The following DNAH6 variants were observed in gnomAD, a reference collection of about 807,000 sequenced individuals.
DNAH6 encodes the protein dynein axonemal heavy chain 6, also known as axonemal beta dynein heavy chain 6.
A neutral mutation model predicts 491.4 loss-of-function variants in DNAH6; 340 were observed. The ratio of observed to expected loss-of-function variants is 0.69; its 90% confidence interval spans 0.63 to 0.76. The LOEUF (loss-of-function observed/expected upper bound fraction) is 0.76. DNAH6 is among the 30% of genes least tolerant of loss of function. The pLI, the probability that DNAH6 is intolerant of heterozygous loss-of-function variation, is 0.00. For missense variants in DNAH6, 4,443 were observed against 4,972.2 expected (o/e 0.89, Z 3.20); for synonymous variants, 1,603 against 1,686.1 (o/e 0.95, Z 1.21).
intron 18 of DNAH6, among the ~76,000 whole-genome samples, chr2:84,601,697 A>C (rs1187093811): frequency 6.6e-6 from 1 of 151,970 alleles, no homozygotes; most frequent in East Asian, 1.9e-4. Context: ...TGTGTAGACC[A>C]TTCACATTTA....
chr2:84,509,729 T>C, the DNAH6 span, among the ~76,000 whole-genome samples: 5 of 152,218 alleles, frequency 3.3e-5, no homozygotes, highest in Non-Finnish European at 5.9e-5. Context: ...TTCCTTTCTA[T>C]GTTTAGTGCT....
intron 41 of DNAH6, among the ~76,000 whole-genome samples, chr2:84,678,001 A>G (rs1693422323): frequency 6.6e-6 from 1 of 152,206 alleles, no homozygotes. Flanking sequence ...GGATGTGGCA[A>G]TTAAGTGAAC....
intron 62 of DNAH6, among the ~76,000 whole-genome samples, chr2:84,738,642 T>C (rs1433528863): frequency 1.3e-5 from 2 of 152,128 alleles, no homozygotes; most frequent in African/African-American, 4.8e-5. Context: ...AATTCTGATA[T>C]AAGAACAGTA....
intron 64 of DNAH6, among the ~76,000 whole-genome samples, chr2:84,772,821 G>C (rs191966701): frequency 5.1e-4 from 78 of 152,022 alleles, no homozygotes; most frequent in Admixed American, 1.8e-3. Context: ...ATAGAACACT[G>C]TACCCAACAA....
At chr2:84,757,715 G>A (rs1674181291) in intron 63 of DNAH6, among the ~76,000 whole-genome samples, 3 of 152,164 alleles carry the variant, frequency 2.0e-5, no homozygotes, top group Admixed American at 2.0e-4. Context: ...TACGAAAGTG[G>A]GAAGAACCAT....
the DNAH6 span, among the ~76,000 whole-genome samples, chr2:84,472,422 G>A: frequency 6.6e-6 from 1 of 151,796 alleles, no homozygotes; most frequent in Non-Finnish European, 1.5e-5. Context: ...CTTTTAACAT[G>A]AGCTGTAAGC....
At chr2:84,542,605 A>G (rs549013257) in intron 4 of DNAH6, among the ~76,000 whole-genome samples, 16 of 152,214 alleles carry the variant, frequency 1.1e-4, no homozygotes, top group East Asian at 1.9e-4. Context: ...GCAGGCTCAC[A>G]TGAACAGCTG....
chr2:84,610,522 C>A (rs1686223704), intron 21 of DNAH6, among the ~76,000 whole-genome samples: 1 of 152,114 alleles, frequency 6.6e-6, no homozygotes, highest in African/African-American at 2.4e-5. Flanking sequence ...GGAATCTTTC[C>A]TTGTGGTGCA....
intron 64 of DNAH6, among the ~76,000 whole-genome samples, chr2:84,772,432 C>A (rs2105182227): frequency 6.6e-6 from 1 of 152,204 alleles, no homozygotes; most frequent in Middle Eastern, 3.4e-3. Context: ...CACACACACA[C>A]AATTCAGTTA....
At chr2:84,805,619 C>T (rs1679341622) in intron 70 of DNAH6, 46 bp from the exon 71 acceptor site, 2 of 1,453,582 alleles carry the variant, frequency 1.4e-6, no homozygotes, top group East Asian at 2.6e-5. Context: ...AATTTGTTTT[C>T]TGAGAATTTG....
intron 46 of DNAH6, among the ~76,000 whole-genome samples, chr2:84,696,287 ACT>A (rs1242157521): frequency 6.6e-6 from 1 of 151,904 alleles, no homozygotes; most frequent in Non-Finnish European, 1.5e-5. Context: ...CATAAGCTGT[ACT>A]CGTAACATTC....
chr2:84,617,034 C>A, intron 23 of DNAH6, 52 bp downstream of exon 23: 2 of 973,736 alleles, frequency 2.1e-6, no homozygotes, highest in South Asian at 1.8e-5. Context: ...GACTGTCAAT[C>A]AAGTTGAGGT....
rs1472423402 is a variant in DNAH6, at chr2:84,581,175, T to G, written c.2229+1496T>G. On this transcript the variant is annotated intron_variant, in intron 14 of 76. Coordinates refer to ENST00000389394, the MANE Select transcript of DNAH6 (RefSeq NM_001370.2). ...TCAGGAAGGTAGGGTCACATCATAA[T>G]CAATGGCTGCAGAGGGTCAGCTGCT... Among the ~76,000 whole-genome samples the G allele has an allele frequency of 2.0e-5, 3 of 152,204 alleles. No individual in the cohort carries two copies. In the East Asian group the frequency reaches 5.8e-4, roughly 29 times the overall value.
intron 62 of DNAH6, among the ~76,000 whole-genome samples, chr2:84,738,170 G>C (rs1672186011): frequency 1.3e-5 from 2 of 151,992 alleles, no homozygotes; most frequent in South Asian, 4.1e-4. Flanking sequence ...GAGATCTTCT[G>C]TGTATTGATT....
intron 8 of DNAH6, among the ~76,000 whole-genome samples, chr2:84,549,351 T>C (rs1679100567): frequency 6.6e-6 from 1 of 152,198 alleles, no homozygotes; most frequent in African/African-American, 2.4e-5. Context: ...ATTAGAGGCC[T>C]TAGAGCTCCA....
upstream of DNAH6, among the ~76,000 whole-genome samples, chr2:84,514,320 C>T (rs1304470092): frequency 1.3e-5 from 2 of 152,048 alleles, no homozygotes; most frequent in Non-Finnish European, 2.9e-5. Context: ...CTGCCACTTA[C>T]TACCTCTGAA....
intron 2 of DNAH6, among the ~76,000 whole-genome samples, chr2:84,518,975 G>A (rs190677925): frequency 3.2e-4 from 49 of 152,204 alleles, no homozygotes; most frequent in Admixed American, 2.4e-3. Flanking sequence ...AGCCCAGGAG[G>A]TAGAGGCTGC....
chr2:84,584,318 G>A, intron 15 of DNAH6, 68 bp downstream of exon 15: 1 of 1,457,108 alleles, frequency 6.9e-7, no homozygotes, highest in Non-Finnish European at 9.4e-7. Flanking sequence ...GTTTATTAAA[G>A]TATAATCAAC....
At chr2:84,795,121 T>C (rs1203712061) in intron 68 of DNAH6, among the ~76,000 whole-genome samples, 142 of 131,212 alleles carry the variant, frequency 1.1e-3, no homozygotes, top group Middle Eastern at 4.7e-3. Flanking sequence ...AGGTGGGAAT[T>C]GAACAATGAG....
Sources: gnomAD v4.1 joint callset for allele counts (sites outside exome capture counted in the v4.1 genomes callset) on GRCh38, gnomAD v4.1.1 for gene constraint, MANE v1.5 for transcripts, NCBI Gene and HGNC (gene_info 2026-07-23, HGNC 2026-07-21) for gene names.